Variants in KCNH5 observed in about 807,000 individuals in gnomAD.
The protein encoded by KCNH5 is potassium voltage-gated channel subfamily H member 5, also known as voltage-gated delayed rectifier potassium channel KCNH5.
In KCNH5, 46 loss-of-function variants were observed where a neutral mutation model predicts 96.1. That is an observed-to-expected ratio of 0.48 (90% CI 0.38 to 0.61). KCNH5 has a LOEUF of 0.61. KCNH5 is among the 20% of genes least tolerant of loss of function. KCNH5 has a pLI of 0.00. For missense variants in KCNH5, 907 were observed against 1,225.8 expected, an observed-to-expected ratio of 0.74 and a Z score of 3.88; for synonymous variants, 439 against 449.8, an observed-to-expected ratio of 0.98 and a Z score of 0.30.
intron 7 of KCNH5, among the ~76,000 whole-genome samples, chr14:62,889,286 T>C (rs1452691009): frequency 6.6e-6 from 1 of 152,180 alleles, no homozygotes; most frequent in Non-Finnish European, 1.5e-5. Flanking sequence ...AGACACACTG[T>C]TCTAGGCACT....
At chr14:62,969,108 A>G (rs941906223) in intron 6 of KCNH5, among the ~76,000 whole-genome samples, 1 of 152,224 alleles carries the variant, frequency 6.6e-6, no homozygotes, top group Non-Finnish European at 1.5e-5. Context: ...TAACAGAACA[A>G]TATCTGAAAA....
chr14:63,008,649 G>C (rs1891170947), intron 2 of KCNH5, among the ~76,000 whole-genome samples: 1 of 151,390 alleles, frequency 6.6e-6, no homozygotes. Flanking sequence ...AATAAAATAA[G>C]TAAAAGGATC....
chr14:62,786,122 C>T (rs567577657), intron 9 of KCNH5, among the ~76,000 whole-genome samples: 25 of 152,102 alleles, frequency 1.6e-4, no homozygotes, highest in African/African-American at 5.3e-4. Flanking sequence ...ACCCAGGAGG[C>T]GGAGGTTGCA....
chr14:62,993,936 T>C (rs1309280990), intron 4 of KCNH5, among the ~76,000 whole-genome samples: 1 of 152,058 alleles, frequency 6.6e-6, no homozygotes, highest in Non-Finnish European at 1.5e-5. Flanking sequence ...CATGGCATTA[T>C]GAGAATATTT....
chr14:62,914,190 G>A (rs568720630), intron 7 of KCNH5, among the ~76,000 whole-genome samples: 6 of 152,226 alleles, frequency 3.9e-5, no homozygotes, highest in Admixed American at 2.6e-4. Context: ...AATAGAAATC[G>A]TTAATAACCA....
At chr14:63,008,024 A>G (rs1793841995) in intron 2 of KCNH5, among the ~76,000 whole-genome samples, 1 of 152,198 alleles carries the variant, frequency 6.6e-6, no homozygotes, top group Admixed American at 6.6e-5. Flanking sequence ...GGTTTTAGAT[A>G]CACAGTTCTG....
chr14:62,877,434 C>A (rs1888397926), intron 7 of KCNH5, among the ~76,000 whole-genome samples: 1 of 152,126 alleles, frequency 6.6e-6, no homozygotes, highest in South Asian at 2.1e-4. Flanking sequence ...AAAGTTTTCG[C>A]AACCTACTCA....
At position 63,045,307 on chromosome 14, in the gene KCNH5, C is replaced by A; in HGVS notation, c.-121G>T. On this transcript the variant is annotated 5_prime_UTR_variant, in exon 1 of 11. Coordinates refer to ENST00000322893, the MANE Select transcript of KCNH5 (RefSeq NM_139318.5). ...GATTGAGCCGAAAGAAGAGGGGGCG[C>A]GGCGGCGGCGACGGGGTCCCCTGAC... 2 of 784,318 alleles carry A rather than the reference C, an allele frequency of 2.5e-6. No homozygotes were observed. The highest frequency in any genetic ancestry group is 5.3e-5 in the East Asian group (2 of 37,870). 48.6% of individuals were successfully genotyped at this position (784,318 alleles called of 1,614,324 possible). A position where few individuals can be genotyped will look rare whatever the true frequency, so the allele number is the denominator to read the frequency against.
intron 3 of KCNH5, among the ~76,000 whole-genome samples, chr14:63,005,087 C>G (rs1037115240): frequency 1.3e-5 from 2 of 152,144 alleles, no homozygotes; most frequent in African/African-American, 4.8e-5. Flanking sequence ...CCAGAAAGCA[C>G]CTACAGTCTG....
intron 7 of KCNH5, among the ~76,000 whole-genome samples, chr14:62,944,675 A>G (rs1043659251): frequency 4.6e-5 from 7 of 152,202 alleles, no homozygotes; most frequent in African/African-American, 1.2e-4. Context: ...CGGGTCTAAC[A>G]AATTTTGGAA....
intron 9 of KCNH5, among the ~76,000 whole-genome samples, chr14:62,799,726 T>TATATATATATATATACAC (rs1213484157): frequency 1.6e-4 from 11 of 68,652 alleles, no homozygotes; most frequent in Non-Finnish European, 2.3e-4. Flanking sequence ...TATATATATA[T>TATATATATATATATACAC]ACACACACAC....
intron 6 of KCNH5, among the ~76,000 whole-genome samples, chr14:62,954,284 C>T (rs1392027760): frequency 1.3e-5 from 2 of 152,176 alleles, no homozygotes; most frequent in African/African-American, 4.8e-5. Context: ...CCCCGTCCCC[C>T]ACTGGGAGAA....
chr14:62,899,661 T>A (rs1295963469), intron 7 of KCNH5, among the ~76,000 whole-genome samples: 1 of 149,302 alleles, frequency 6.7e-6, no homozygotes, highest in African/African-American at 2.4e-5. Context: ...TGAAACCCCG[T>A]CTCTACTAAA....
chr14:62,741,538 G>T (rs993359480), intron 10 of KCNH5, among the ~76,000 whole-genome samples: 1 of 151,986 alleles, frequency 6.6e-6, no homozygotes, highest in Non-Finnish European at 1.5e-5. Flanking sequence ...GCTGACGTTT[G>T]GTCCCCTCCC....
At chr14:62,779,956 A>G (rs1566657973) in intron 9 of KCNH5, 32 bp from the exon 10 acceptor site, 1 of 1,539,418 alleles carries the variant, frequency 6.5e-7, no homozygotes, top group Non-Finnish European at 8.9e-7. Flanking sequence ...ATATTCAAGT[A>G]TCTAACACTG....
chr14:63,001,595 AT>A (rs1272182321), intron 3 of KCNH5, 136 bp from the exon 4 acceptor site: 5 of 682,942 alleles, frequency 7.3e-6, no homozygotes, highest in Non-Finnish European at 1.2e-5. Context: ...CAGTATATTA[AT>A]TACTACAAAC....
intron 7 of KCNH5, among the ~76,000 whole-genome samples, chr14:62,858,325 T>C (rs140896858): frequency 6.6e-6 from 1 of 152,308 alleles, no homozygotes; most frequent in Non-Finnish European, 1.5e-5. Flanking sequence ...TCTGAGTCAT[T>C]TGTAGTCCTG....
intron 8 of KCNH5, among the ~76,000 whole-genome samples, chr14:62,834,455 T>A (rs1887424537): frequency 6.6e-6 from 1 of 152,046 alleles, no homozygotes; most frequent in African/African-American, 2.4e-5. Flanking sequence ...ATGGACTATT[T>A]ATTGTACTAG....
chr14:62,914,012 A>T (rs1043633293), intron 7 of KCNH5, among the ~76,000 whole-genome samples: 1 of 152,244 alleles, frequency 6.6e-6, no homozygotes, highest in Non-Finnish European at 1.5e-5. Context: ...CAAAAATCCC[A>T]GTAATGAATG....
Sources: gnomAD v4.1 joint callset for allele counts (sites outside exome capture counted in the v4.1 genomes callset) on GRCh38, gnomAD v4.1.1 for gene constraint, MANE v1.5 for transcripts, NCBI Gene and HGNC (gene_info 2026-07-23, HGNC 2026-07-21) for gene names.